ZNF385D: variants seen among roughly 807,000 people sequenced by gnomAD.
ZNF385D encodes the protein zinc finger protein 385D.
Under a neutral mutation model 35.8 loss-of-function variants are expected in ZNF385D, and 15 were observed. The observed-to-expected ratio is 0.42, with a 90% confidence interval of 0.28 to 0.64. ZNF385D has a LOEUF of 0.64. Ranked by LOEUF, ZNF385D falls within the 30% of genes least tolerant of loss-of-function variation. The probability of loss-of-function intolerance (pLI) is 0.23; values close to 1 mark genes in which losing one functional copy is unlikely to be tolerated. For missense variants in ZNF385D, 474 were observed against 494.6 expected (o/e 0.96, Z 0.39); for synonymous variants, 212 against 186.8 (o/e 1.13, Z -1.10).
rs534213598 is a variant in ZNF385D at position 22,263,959 on chromosome 3, G to A, written c.107-94924C>T. 3.3e-5 allele frequency among the ~76,000 whole-genome samples: 5 copies of A among 151,912 alleles called. No individual in the cohort carries two copies. In the South Asian group the frequency reaches 1.0e-3, roughly 31 times the overall value. On this transcript the variant is annotated intron_variant, in intron 2 of 5. Coordinates refer to the ZNF385D transcript ENST00000494108. ...AAAAGGTTAAAAATTATAAGAGAAG[G>A]AATATTCCTAAACAGAAATCACTTT...
At chr3:22,029,339 T>C (rs1466923279) in intron 3 of ZNF385D, among the ~76,000 whole-genome samples, 3 of 152,218 alleles carry the variant, frequency 2.0e-5, no homozygotes, top group African/African-American at 7.2e-5. Context: ...AGTATGACCA[T>C]GCCCTGTGAT....
At chr3:22,188,597 C>T (rs934700904) in intron 2 of ZNF385D, among the ~76,000 whole-genome samples, 23 of 151,922 alleles carry the variant, frequency 1.5e-4, no homozygotes, top group Non-Finnish European at 1.9e-4. Flanking sequence ...CTACAGGTGC[C>T]TGCCACCACA....
intron 3 of ZNF385D, among the ~76,000 whole-genome samples, chr3:21,952,322 T>C (rs553568201): frequency 2.0e-5 from 3 of 152,128 alleles, no homozygotes; most frequent in African/African-American, 7.2e-5. Flanking sequence ...TAACGTGACA[T>C]TTTCTTGATC....
intron 3 of ZNF385D, among the ~76,000 whole-genome samples, chr3:22,071,462 T>C (rs573897709): frequency 6.6e-6 from 1 of 152,320 alleles, no homozygotes; most frequent in Non-Finnish European, 1.5e-5. Flanking sequence ...TGCTGACATT[T>C]ATCTCTCAAC....
intron 2 of ZNF385D, among the ~76,000 whole-genome samples, chr3:22,332,496 G>GT (rs1258116145): frequency 3.3e-5 from 5 of 152,106 alleles, no homozygotes; most frequent in Admixed American, 3.3e-4. Flanking sequence ...TGAGTAGAAA[G>GT]TAATCAGGCT....
intron 2 of ZNF385D, among the ~76,000 whole-genome samples, chr3:22,274,213 G>C (rs1352517218): frequency 6.6e-6 from 1 of 151,772 alleles, no homozygotes; most frequent in Admixed American, 6.6e-5. Flanking sequence ...TTAGAAGAAA[G>C]AAGAACAAAG....
intron 1 of ZNF385D, among the ~76,000 whole-genome samples, chr3:21,681,698 G>GAAAAAAAAAAAAAACAAA (rs5847124): frequency 7.5e-6 from 1 of 133,220 alleles, no homozygotes; most frequent in Non-Finnish European, 1.6e-5. Context: ...AAAAAAAAAC[G>GAAAAAAAAAAAAAACAAA]AAAAAAAAAA....
rs190932321 is a variant in ZNF385D at position 22,169,323 on chromosome 3, T to C, written c.107-288A>G. 8.1e-4 allele frequency among the ~76,000 whole-genome samples: 123 copies of C among 152,306 alleles called. 1 individual carries two copies. The East Asian group carries it at 9.1e-3, about 11-fold the overall frequency. On this transcript the variant is annotated intron_variant, in intron 2 of 5. Coordinates refer to the ZNF385D transcript ENST00000494108. ...GTAATAAGCACTATAGTATTCCCTTTTTTATAGCTGAGGAAACTAAGTTTT... is the reference window on the plus strand; with the variant it reads ...GTAATAAGCACTATAGTATTCCCTTCTTTATAGCTGAGGAAACTAAGTTTT...
chr3:21,909,082 C>A (rs1214517608), intron 3 of ZNF385D, among the ~76,000 whole-genome samples: 1 of 151,936 alleles, frequency 6.6e-6, no homozygotes, highest in African/African-American at 2.4e-5. Flanking sequence ...ACAAGTTAAA[C>A]GTTCATTGAT....
At chr3:22,356,289 G>A (rs1696145291) in intron 2 of ZNF385D, among the ~76,000 whole-genome samples, 1 of 151,954 alleles carries the variant, frequency 6.6e-6, no homozygotes. Flanking sequence ...AACCACACAG[G>A]AGGTATATTT....
intron 2 of ZNF385D, among the ~76,000 whole-genome samples, chr3:21,630,064 C>T (rs1354975240): frequency 6.6e-6 from 1 of 151,986 alleles, no homozygotes; most frequent in African/African-American, 2.4e-5. Context: ...TTATTATTAT[C>T]ATAACCATTT....
At chr3:21,805,936 G>T (rs1317908544) in intron 3 of ZNF385D, among the ~76,000 whole-genome samples, 1 of 152,180 alleles carries the variant, frequency 6.6e-6, no homozygotes, top group Non-Finnish European at 1.5e-5. Context: ...TAGACTACAA[G>T]ATGGCAATCT....
At chr3:22,039,254 C>CCA (rs1314759972) in intron 3 of ZNF385D, among the ~76,000 whole-genome samples, 9 of 63,918 alleles carry the variant, frequency 1.4e-4, no homozygotes, top group Non-Finnish European at 3.2e-4. Flanking sequence ...ATAATCCAAG[C>CCA]CAAAAAAAAA....
intron 4 of ZNF385D, among the ~76,000 whole-genome samples, chr3:21,458,815 G>T (rs367712434): frequency 4.0e-5 from 4 of 100,804 alleles, no homozygotes; most frequent in African/African-American, 1.3e-4. Flanking sequence ...AATGCGGGGT[G>T]GGGGGGCGGG....
intron 3 of ZNF385D, among the ~76,000 whole-genome samples, chr3:22,116,114 A>G (rs1469269480): frequency 6.6e-6 from 1 of 152,094 alleles, no homozygotes; most frequent in Non-Finnish European, 1.5e-5. Context: ...TAACCATGCT[A>G]CGGTAGGATA....
intron 3 of ZNF385D, among the ~76,000 whole-genome samples, chr3:22,100,640 C>T (rs1180001522): frequency 2.3e-5 from 3 of 132,794 alleles, no homozygotes; most frequent in Non-Finnish European, 4.5e-5. Context: ...ACAATGAGAA[C>T]ACATGGACAC....
In ZNF385D at chr3:22,210,512, C is replaced by T. The variant is rs867106886; in HGVS notation, c.107-41477G>A. Among the ~76,000 whole-genome samples, 21 of 151,818 alleles carry T rather than the reference C, an allele frequency of 1.4e-4. 1 individual carries two copies. The South Asian group carries it at 1.7e-3, about 12-fold the overall frequency. ...AAAACAAAACGTGTATCTGAAAATA[C>T]CATGCCAAGAAAGAAATGATTTGGG... On this transcript the variant is annotated intron_variant, in intron 2 of 5. Transcript: ENST00000494108.
intron 3 of ZNF385D, among the ~76,000 whole-genome samples, chr3:21,951,070 T>C (rs1376540432): frequency 1.3e-5 from 2 of 151,730 alleles, no homozygotes; most frequent in Non-Finnish European, 2.9e-5. Flanking sequence ...AGTTTTTTTC[T>C]AATTCTGTGA....
chr3:21,815,588 G>C lies in ZNF385D; in HGVS notation c.326-150560C>G, dbSNP rs540607456. On this transcript the variant is annotated intron_variant, in intron 3 of 5. Coordinates refer to the ZNF385D transcript ENST00000494108. Reference sequence around the variant, plus strand: ...TAAACTAGCAAATCTAGAAGAAATGGAAAAACTTCTGGACACACACACCAT... The same window carrying C: ...TAAACTAGCAAATCTAGAAGAAATGCAAAAACTTCTGGACACACACACCAT... Among the ~76,000 whole-genome samples the C allele has an allele frequency of 1.5e-4, 23 of 152,232 alleles. 1 individual carries two copies. The highest frequency in any genetic ancestry group is 4.3e-4 in the African/African-American group (18 of 41,528).
Sources: gnomAD v4.1 joint callset for allele counts (sites outside exome capture counted in the v4.1 genomes callset) on GRCh38, gnomAD v4.1.1 for gene constraint, MANE v1.5 for transcripts, NCBI Gene and HGNC (gene_info 2026-07-23, HGNC 2026-07-21) for gene names.